Variants in APBB2 observed in about 807,000 individuals in gnomAD.
The protein encoded by APBB2 is amyloid beta precursor protein binding family B member 2.
In APBB2, 38 loss-of-function variants were observed where a neutral mutation model predicts 82.5. That is an observed-to-expected ratio of 0.46 (90% CI 0.36 to 0.60). APBB2 has a LOEUF of 0.60. Among genes scored for constraint, APBB2 ranks in the 20% least tolerant of loss-of-function variants. The pLI is 0.00. For synonymous variants in APBB2, 341 were observed against 368.2 expected (o/e 0.93, Z 0.85); for missense variants, 772 against 972.3 (o/e 0.79, Z 2.74).
In APBB2 at chr4:40,811,685, G is replaced by C. The variant is rs1193197310; in HGVS notation, c.*4407C>G. 6.6e-6 allele frequency: 1 copy of C among 152,112 alleles called. No homozygotes were observed. The highest frequency in any genetic ancestry group is 2.4e-5 in the African/African-American group (1 of 41,406). The allele number at this position is 152,112 out of a possible 1,614,324, so 9.4% of individuals were successfully genotyped here. On this transcript the variant is annotated 3_prime_UTR_variant, in exon 18 of 18. Transcript: ENST00000508593. ...AAAATTCTAAATAATGAAATTACTAGTATTCAGATACTCCAATAGCAAACA... is the reference window on the plus strand; with the variant it reads ...AAAATTCTAAATAATGAAATTACTACTATTCAGATACTCCAATAGCAAACA...
chr4:41,055,653 A>C (rs1324286181), intron 4 of APBB2, among the ~76,000 whole-genome samples: 1 of 152,192 alleles, frequency 6.6e-6, no homozygotes, highest in Admixed American at 6.5e-5. Flanking sequence ...CATCTACTGA[A>C]GCAGGCACAC....
intron 2 of APBB2, chr4:41,118,056 A>AC (rs200218453): frequency 0.013 from 2,034 of 151,740 alleles, 16 homozygotes; most frequent in South Asian, 0.015. Flanking sequence ...AACAAAACAA[A>AC]AAAAAAAATT....
chr4:41,181,831 A>G (rs1214880804), intron 1 of APBB2, among the ~76,000 whole-genome samples: 3 of 151,742 alleles, frequency 2.0e-5, no homozygotes, highest in African/African-American at 7.3e-5. Flanking sequence ...CTGTAATCCC[A>G]GCTACTCAGG....
intron 4 of APBB2, among the ~76,000 whole-genome samples, chr4:41,062,515 A>C (rs1476366657): frequency 6.6e-6 from 1 of 152,162 alleles, no homozygotes; most frequent in Non-Finnish European, 1.5e-5. Context: ...AGTACGCAGA[A>C]GGGAGGAATG....
intron 4 of APBB2, among the ~76,000 whole-genome samples, chr4:41,038,146 T>C (rs940382003): frequency 6.6e-6 from 1 of 151,962 alleles, no homozygotes; most frequent in South Asian, 2.1e-4. Flanking sequence ...TAGGGATCAA[T>C]AAATATCCAA....
intron 4 of APBB2, among the ~76,000 whole-genome samples, chr4:41,063,926 ACCTCAG>A (rs1303604882): frequency 5.1e-5 from 7 of 137,660 alleles, no homozygotes; most frequent in African/African-American, 1.7e-4. Context: ...TGATCTGCCT[ACCTCAG>A]CCTCCCAAAA....
intron 1 of APBB2, among the ~76,000 whole-genome samples, chr4:41,192,612 T>TA (rs962666396): frequency 1.3e-5 from 2 of 151,950 alleles, no homozygotes; most frequent in African/African-American, 4.8e-5. Context: ...CATACAGAGA[T>TA]AGAGAATAAA....
At chr4:41,031,341 C>T (rs377685664) in intron 5 of APBB2, among the ~76,000 whole-genome samples, 2 of 152,252 alleles carry the variant, frequency 1.3e-5, no homozygotes, top group East Asian at 1.9e-4. Context: ...CAAACCTTAC[C>T]CCACTTATTA....
intron 4 of APBB2, among the ~76,000 whole-genome samples, chr4:41,039,835 CA>C (rs11441799): frequency 0.11 from 15,530 of 139,006 alleles, 869 homozygotes; most frequent in Middle Eastern, 0.19. Flanking sequence ...GACCTTGTCT[CA>C]AAAAAAAAAA....
intron 4 of APBB2, among the ~76,000 whole-genome samples, chr4:41,033,722 C>CAAA (rs1718025301): frequency 6.7e-6 from 1 of 149,982 alleles, no homozygotes; most frequent in African/African-American, 2.5e-5. Flanking sequence ...ACGATAAAAG[C>CAAA]AAAAAACAGA....
intron 1 of APBB2, among the ~76,000 whole-genome samples, chr4:41,149,143 A>G (rs1761551003): frequency 6.6e-6 from 1 of 152,170 alleles, no homozygotes; most frequent in Admixed American, 6.5e-5. Flanking sequence ...TTGGCATACA[A>G]TGGAACACTC....
chr4:41,204,209 C>T (rs779472177), intron 1 of APBB2, among the ~76,000 whole-genome samples: 8 of 152,310 alleles, frequency 5.3e-5, no homozygotes, highest in South Asian at 4.2e-4. Flanking sequence ...GAAATATGTT[C>T]GGTGCCTCAT....
intron 12 of APBB2, among the ~76,000 whole-genome samples, chr4:40,874,861 A>G (rs1766461622): frequency 6.6e-6 from 1 of 152,244 alleles, no homozygotes; most frequent in African/African-American, 2.4e-5. Flanking sequence ...GCTCAGCTCA[A>G]AAACTTCTTA....
intron 10 of APBB2, among the ~76,000 whole-genome samples, chr4:40,908,678 G>A (rs1181625974): frequency 6.6e-6 from 1 of 152,168 alleles, no homozygotes; most frequent in Non-Finnish European, 1.5e-5. Context: ...AGTACCCTGA[G>A]GAGAAGAAAA....
intron 3 of APBB2, among the ~76,000 whole-genome samples, chr4:41,067,207 C>T (rs887090557): frequency 7.9e-5 from 12 of 152,080 alleles, no homozygotes; most frequent in African/African-American, 2.7e-4. Flanking sequence ...GTCGGGAGTT[C>T]GGGACCAGCC....
At position 40,813,078 on chromosome 4, in the gene APBB2, G is replaced by A. The variant is rs575598382; in HGVS notation, c.*3014C>T. 1.8e-4 allele frequency: 27 copies of A among 152,304 alleles called. No homozygotes were observed. Among genetic ancestry groups the A allele is most frequent in the African/African-American group, 6.5e-4 (27 of 41,568 alleles). The allele number at this position is 152,304 out of a possible 1,614,324, so 9.4% of individuals were successfully genotyped here. A position where few individuals can be genotyped will look rare whatever the true frequency, so the allele number is the denominator to read the frequency against. On this transcript the variant is annotated 3_prime_UTR_variant, in exon 18 of 18. Coordinates refer to ENST00000508593, the MANE Select transcript of APBB2 (RefSeq NM_004307.2). Reference sequence around the variant, plus strand: ...CAGATGTATGAGGTGGCAAGTCTGTGTCTATCTAGCTGCTTTTAAAAAATA... The same window carrying A: ...CAGATGTATGAGGTGGCAAGTCTGTATCTATCTAGCTGCTTTTAAAAAATA...
intron 4 of APBB2, among the ~76,000 whole-genome samples, chr4:41,042,680 T>A (rs1447664924): frequency 2.0e-5 from 3 of 152,106 alleles, no homozygotes; most frequent in African/African-American, 7.2e-5. Context: ...GGTCAGGCCA[T>A]TTTTGACCAC....
At chr4:41,178,779 T>C (rs1203083860) in intron 1 of APBB2, among the ~76,000 whole-genome samples, 1 of 152,196 alleles carries the variant, frequency 6.6e-6, no homozygotes, top group African/African-American at 2.4e-5. Flanking sequence ...GACCACATTC[T>C]TAATAAGTGG....
intron 12 of APBB2, chr4:40,881,166 A>C (rs1254632409): frequency 1.0e-6 from 1 of 985,344 alleles, no homozygotes; most frequent in Non-Finnish European, 1.2e-6. Flanking sequence ...GCCTCTGCTT[A>C]TCATGGAGCT....
Sources: allele counts gnomAD v4.1 joint callset (sites outside exome capture counted in the v4.1 genomes callset), GRCh38; gene constraint gnomAD v4.1.1; transcripts MANE v1.5; gene names NCBI Gene and HGNC (gene_info 2026-07-23, HGNC 2026-07-21).